Variants in NCAM2 observed in about 807,000 individuals in gnomAD.
NCAM2 encodes the protein neural cell adhesion molecule 2.
NCAM2 carries 30 observed loss-of-function variants against 98.1 expected under a neutral mutation model. The observed-to-expected ratio is 0.31, with a 90% confidence interval of 0.23 to 0.41. The LOEUF (loss-of-function observed/expected upper bound fraction) is 0.41. NCAM2 is among the 10% of genes least tolerant of loss of function. The pLI, the probability that NCAM2 is intolerant of heterozygous loss-of-function variation, is 1.00. For synonymous variants in NCAM2, 368 were observed against 342.4 expected, an observed-to-expected ratio of 1.07 and a Z score of -0.83; for missense variants, 867 against 1,005.8, an observed-to-expected ratio of 0.86 and a Z score of 1.87.
At chr21:21,129,200 C>A (rs372203190) in intron 1 of NCAM2, among the ~76,000 whole-genome samples, 72 of 152,152 alleles carry the variant, frequency 4.7e-4, no homozygotes, top group African/African-American at 1.7e-3. Flanking sequence ...AAATTTATAT[C>A]AGATACTGTA....
intron 5 of NCAM2, among the ~76,000 whole-genome samples, chr21:21,298,588 CAGATAGATAGAT>C (rs58405004): frequency 0.41 from 60,801 of 147,356 alleles, 13,646 homozygotes; most frequent in Non-Finnish European, 0.52. Context: ...ATGATAGATA[CAGATAGATAGAT>C]AGATAGATAG....
At chr21:21,399,276 A>T (rs1329117848) in intron 9 of NCAM2, among the ~76,000 whole-genome samples, 1 of 152,236 alleles carries the variant, frequency 6.6e-6, no homozygotes, top group East Asian at 1.9e-4. Flanking sequence ...GTAAGAATGG[A>T]TAAAGGCTCC....
At chr21:21,067,945 T>TTTCTTGTC (rs1568987316) in intron 1 of NCAM2, among the ~76,000 whole-genome samples, 1 of 151,992 alleles carries the variant, frequency 6.6e-6, no homozygotes, top group Non-Finnish European at 1.5e-5. Context: ...AAAAACTGAA[T>TTTCTTGTC]TTCTTGTCTT....
At chr21:21,457,693 G>A (rs1841787592) in intron 12 of NCAM2, among the ~76,000 whole-genome samples, 1 of 151,844 alleles carries the variant, frequency 6.6e-6, no homozygotes, top group Admixed American at 6.6e-5. Context: ...TAGTATGCTA[G>A]TGTTTTTGGT....
chr21:21,509,455 AAAC>A (rs1018335370), intron 16 of NCAM2, among the ~76,000 whole-genome samples: 6 of 152,224 alleles, frequency 3.9e-5, no homozygotes, highest in African/African-American at 1.2e-4. Context: ...ACTGAGTTAA[AAAC>A]AACAAAATTG....
chr21:21,325,624 A>G (rs866985755), intron 6 of NCAM2, among the ~76,000 whole-genome samples: 6 of 152,174 alleles, frequency 3.9e-5, no homozygotes, highest in African/African-American at 1.4e-4. Flanking sequence ...TGATTTACTA[A>G]TGTGGATCCT....
At chr21:21,383,676 C>T (rs1189452443) in intron 9 of NCAM2, among the ~76,000 whole-genome samples, 1 of 151,934 alleles carries the variant, frequency 6.6e-6, no homozygotes, top group Non-Finnish European at 1.5e-5. Context: ...TTTCAGCTGC[C>T]ATTATATAAT....
intron 1 of NCAM2, among the ~76,000 whole-genome samples, chr21:21,104,607 A>T (rs529597344): frequency 2.0e-5 from 3 of 152,228 alleles, no homozygotes; most frequent in East Asian, 1.9e-4. Flanking sequence ...AAGAGGGTGC[A>T]TTTAAGCTAA....
At position 21,338,506 on chromosome 21, in the gene NCAM2, A is replaced by G; in HGVS notation, c.1016A>G (p.Asp339Gly). The stretch of plus-strand genomic sequence containing the variant: ...GAAATCACTTGGAAAAGAGCTGTGG[A>G]TGGCTTCACGTTCACTGAAGGCGAT... ...IPEITWKRAV[D>G]GFTFTEGDKS... The change falls in exon 8 of 18, where the codon GAT becomes GGT. Residue 339 changes from aspartate (D) to glycine (G), a missense_variant. Physicochemically the swap from Asp to Gly is moderately conservative, Grantham distance 94. Around this residue, in one of 5 missense-constraint regions of NCAM2, gnomAD observed 447 missense variants for 495.7 expected, o/e 0.90. Transcript: ENST00000400546. 3 of 1,612,240 alleles carry G rather than the reference A, an allele frequency of 1.9e-6. No homozygotes were observed. Among genetic ancestry groups the G allele is most frequent in the Non-Finnish European group, 2.5e-6 (3 of 1,179,124 alleles).
chr21:21,203,071 A>G lies in NCAM2; in HGVS notation c.56-77507A>G, dbSNP rs144591634. 7.9e-5 allele frequency among the ~76,000 whole-genome samples: 12 copies of G among 152,290 alleles called. No homozygotes were observed. In the East Asian group the frequency reaches 1.2e-3, roughly 15 times the overall value. On this transcript the variant is annotated intron_variant, in intron 1 of 17. Coordinates refer to ENST00000400546, the MANE Select transcript of NCAM2 (RefSeq NM_004540.5). ...CACCAACTTTAATGGATTGAACTCT[A>G]TAAGAATATAGTTGGTGTTTTTGAA...
chr21:21,527,377 A>G (rs968997162), intron 16 of NCAM2, among the ~76,000 whole-genome samples: 2 of 152,132 alleles, frequency 1.3e-5, no homozygotes, highest in African/African-American at 4.8e-5. Context: ...AAAATTAAAA[A>G]TTTATGCTCT....
chr21:21,078,320 G>A (rs2065722542), intron 1 of NCAM2, among the ~76,000 whole-genome samples: 1 of 152,084 alleles, frequency 6.6e-6, no homozygotes, highest in African/African-American at 2.4e-5. Context: ...TAATTATCTT[G>A]CCATCCTGCT....
intron 5 of NCAM2, among the ~76,000 whole-genome samples, chr21:21,302,260 G>A (rs1347715615): frequency 1.3e-5 from 2 of 152,036 alleles, no homozygotes; most frequent in Non-Finnish European, 1.5e-5. Flanking sequence ...TCTTTTATTT[G>A]AATCTTTAAA....
intron 16 of NCAM2, among the ~76,000 whole-genome samples, chr21:21,522,907 A>G (rs2146393748): frequency 6.6e-6 from 1 of 152,244 alleles, no homozygotes; most frequent in East Asian, 1.9e-4. Context: ...TTCAGGCGTG[A>G]GCCACTGTGC....
At chr21:21,037,497 G>A (rs6518043) in intron 1 of NCAM2, among the ~76,000 whole-genome samples, 144,895 of 152,266 alleles carry the variant, frequency 0.95, 69,359 homozygotes, top group East Asian at 1. Context: ...ATGATTTTTA[G>A]TTGATTATTC....
At chr21:21,262,350 C>T (rs2071937754) in intron 1 of NCAM2, among the ~76,000 whole-genome samples, 1 of 152,060 alleles carries the variant, frequency 6.6e-6, no homozygotes, top group Admixed American at 6.6e-5. Flanking sequence ...CTTCCTAACT[C>T]ATTCTATTAA....
At chr21:21,390,880 C>A (rs145176648) in intron 9 of NCAM2, among the ~76,000 whole-genome samples, 1 of 152,114 alleles carries the variant, frequency 6.6e-6, no homozygotes, top group African/African-American at 2.4e-5. Flanking sequence ...ATAGTATTCA[C>A]CTTTGTGAAA....
At chr21:21,220,984 G>A (rs1211589779) in intron 1 of NCAM2, among the ~76,000 whole-genome samples, 5 of 152,052 alleles carry the variant, frequency 3.3e-5, no homozygotes, top group Non-Finnish European at 7.4e-5. Flanking sequence ...ATTTTTCCAG[G>A]AGCGTGTACT....
At chr21:21,176,140 C>T (rs185758462) in intron 1 of NCAM2, among the ~76,000 whole-genome samples, 16 of 152,228 alleles carry the variant, frequency 1.1e-4, no homozygotes, top group African/African-American at 3.1e-4. Flanking sequence ...AAACTGGGCT[C>T]TTTCAGTTAA....
Sources: gnomAD v4.1 joint callset for allele counts (sites outside exome capture counted in the v4.1 genomes callset) on GRCh38, gnomAD v4.1.1 for gene constraint, gnomAD v4.1.1 regional missense constraint, MANE v1.5 for transcripts, NCBI Gene and HGNC (gene_info 2026-07-23, HGNC 2026-07-21) for gene names.